TAF6L: variants seen among roughly 807,000 people sequenced by gnomAD.
TAF6L encodes TATA-box binding protein associated factor 6 like.
In TAF6L, 34 loss-of-function variants were observed where a neutral mutation model predicts 57.3. The observed-to-expected ratio is 0.59, with a 90% CI of 0.45 to 0.79. TAF6L has a LOEUF of 0.79. TAF6L is among the 30% of genes least tolerant of loss of function. The probability of loss-of-function intolerance (pLI) is 0.00; values close to 1 mark genes in which losing one functional copy is unlikely to be tolerated. For missense variants in TAF6L, 782 were observed against 853.2 expected (o/e 0.92, Z 1.04); for synonymous variants, 417 against 376.3 (o/e 1.11, Z -1.25).
chr11:62,774,467 G>T (rs1311664266), intron 1 of TAF6L: 6 of 415,280 alleles, frequency 1.4e-5, no homozygotes, highest in Non-Finnish European at 2.9e-5. Flanking sequence ...GTAGGGACCT[G>T]GACGTCACTG....
chr11:62,782,411 T>C lies in TAF6L; in HGVS notation c.827+78T>C. Reference sequence around the variant, plus strand: ...TGGGGTAAGGAAATGGGGCGAAGCCTCTGGCTTTGAGAGTCTATGAGAAGA... The same window carrying C: ...TGGGGTAAGGAAATGGGGCGAAGCCCCTGGCTTTGAGAGTCTATGAGAAGA... On this transcript the variant is annotated intron_variant, in intron 8 of 10. Transcript: ENST00000294168. 5 of 1,479,432 alleles carry C rather than the reference T, an allele frequency of 3.4e-6. No homozygotes were observed. In the South Asian group the frequency reaches 4.9e-5, roughly 15 times the overall value. The allele number at this position is 1,479,432 out of a possible 1,614,324, so 91.6% of individuals were successfully genotyped here.
At position 62,782,277 on chromosome 11, in the gene TAF6L, G is replaced by C. The variant is rs1025184421; in HGVS notation, c.771G>C (p.Leu257=). ...LEPLAASINP[L]NDHWTLRDGA... Reference sequence around the variant, plus strand: ...CACTGGCTGCCTCCATCAACCCCCTGAATGACCACTGGACTCTGCGGGATG... The same window carrying C: ...CACTGGCTGCCTCCATCAACCCCCTCAATGACCACTGGACTCTGCGGGATG... Residue 257 remains leucine (L), a synonymous_variant, in exon 8 of 11, where the codon CTG becomes CTC. Coordinates refer to ENST00000294168, the MANE Select transcript of TAF6L (RefSeq NM_006473.4). 5 of 1,614,076 alleles carry C rather than the reference G, an allele frequency of 3.1e-6. No homozygotes were observed. The African/African-American group carries it at 6.7e-5, about 22-fold the overall frequency.
chr11:62,777,180 A>C (rs1261579524), intron 3 of TAF6L, among the ~76,000 whole-genome samples: 3 of 151,758 alleles, frequency 2.0e-5, no homozygotes, highest in African/African-American at 7.3e-5. Context: ...CACAAAAATT[A>C]GCTGGGTGTG....
chr11:62,786,468 G>A (rs764847438), intron 10 of TAF6L, 49 bp from the exon 11 acceptor site: 26 of 1,586,264 alleles, frequency 1.6e-5, no homozygotes, highest in Non-Finnish European at 2.2e-5. Context: ...TATTTGATGG[G>A]CCCAGGTTCC....
intron 9 of TAF6L, among the ~76,000 whole-genome samples, chr11:62,784,824 T>G (rs1038278052): frequency 3.9e-5 from 6 of 152,240 alleles, no homozygotes; most frequent in Non-Finnish European, 5.9e-5. Flanking sequence ...TAATGCATTT[T>G]AATTTACTTG....
chr11:62,773,431 A>G (rs895508002), intron 1 of TAF6L, among the ~76,000 whole-genome samples: 8 of 149,564 alleles, frequency 5.3e-5, no homozygotes, highest in Admixed American at 1.3e-4. Flanking sequence ...CAGATGAGCC[A>G]CTGCGCCCGG....
chr11:62,784,706 A>G (rs532616082), intron 9 of TAF6L, among the ~76,000 whole-genome samples: 2 of 152,294 alleles, frequency 1.3e-5, no homozygotes, highest in South Asian at 2.1e-4. Context: ...TTGTTTTCCA[A>G]TGTTATTACA....
Position 62,782,840 on chromosome 11 carries a change from C to CT in TAF6L, c.960+18dup. On this transcript the variant is annotated intron_variant, in intron 9 of 10. Coordinates refer to ENST00000294168, the MANE Select transcript of TAF6L (RefSeq NM_006473.4). ...TTGGCTGGAAGGTGAGCACCCTGGC[C>CT]TTTCTCACACAGCCGTAAGAACTCC... is the stretch of plus-strand genomic sequence containing the variant. 1 of 1,613,330 alleles carries CT rather than the reference C, an allele frequency of 6.2e-7. No individual in the cohort carries two copies. Among genetic ancestry groups the CT allele is most frequent in the Non-Finnish European group, 8.5e-7 (1 of 1,179,488 alleles).
rs1436992736 is a variant in TAF6L, at chr11:62,782,199, G to A, written c.693G>A (p.Leu231=). 4 of 1,614,164 alleles carry A rather than the reference G, an allele frequency of 2.5e-6. No individual in the cohort carries two copies. Among genetic ancestry groups the A allele is most frequent in the Middle Eastern group, 1.7e-4 (1 of 6,060 alleles). The stretch of plus-strand genomic sequence containing the variant: ...TATTTCGTAATCCGCACCTGTGCTT[G>A]GGGCCCTATGTCCGCTGTCTGGTGG... ...RSLFRNPHLC[L]GPYVRCLVGS... is the part of the protein sequence containing the mutation. Residue 231 remains leucine, a synonymous_variant, in exon 8 of 11, where the codon TTG becomes TTA. Transcript: ENST00000294168.
chr11:62,786,007 T>A, intron 9 of TAF6L: 1 of 373,946 alleles, frequency 2.7e-6, no homozygotes, highest in Non-Finnish European at 5.0e-6. Flanking sequence ...TGAGCATTAT[T>A]TAGCACACAG....
chr11:62,787,012 C>A lies in TAF6L; in HGVS notation c.1585C>A (p.Arg529=). The change falls in exon 11 of 11, where the codon CGG becomes AGG. Residue 529 remains arginine (R), a synonymous_variant. Coordinates refer to ENST00000294168, the MANE Select transcript of TAF6L (RefSeq NM_006473.4). The part of the protein sequence containing the change: ...SESRPLPRVH[R]ARGAPRQQGP... ...GAGCAGGCCCTTGCCGCGCGTGCAT[C>A]GGGCGCGCGGGGCACCCCGGCAGCA... 6.7e-7 allele frequency: 1 copy of A among 1,487,362 alleles called. No individual in the cohort carries two copies. The highest frequency in any genetic ancestry group is 2.3e-5 in the Admixed American group (1 of 44,084). 92.1% of individuals were successfully genotyped at this position (1,487,362 alleles called of 1,614,324 possible).
chr11:62,782,663 C>A, intron 8 of TAF6L, 30 bp from the exon 9 acceptor site: 1 of 1,606,902 alleles, frequency 6.2e-7, no homozygotes. Flanking sequence ...ATGCCTCATT[C>A]CCCTCCCTAA....
chr11:62,780,990 C>T (rs1359376717), intron 6 of TAF6L, among the ~76,000 whole-genome samples: 3 of 130,356 alleles, frequency 2.3e-5, no homozygotes, highest in East Asian at 2.4e-4. Flanking sequence ...AATCTCAGCA[C>T]TTTGGGAGGC....
chr11:62,779,810 G>A (rs1590935002), intron 6 of TAF6L, among the ~76,000 whole-genome samples: 1 of 148,666 alleles, frequency 6.7e-6, no homozygotes, highest in South Asian at 2.1e-4. Context: ...GGATTACAGG[G>A]GCATACCACC....
At position 62,782,763 on chromosome 11, in the gene TAF6L, C is replaced by A. The variant is rs1157993720; in HGVS notation, c.898C>A (p.Pro300Thr). ...ATCCCTGCAGAAGATCCTGGCAGAT[C>A]CTGTGCGGCCGCTCTGCTGCCACTA... is the stretch of plus-strand genomic sequence containing the variant. ...LLSLQKILAD[P>T]VRPLCCHYGA... The change falls in exon 9 of 11, where the codon CCT becomes ACT. Residue 300 changes from proline to threonine, a missense_variant. By Grantham distance (38) the Pro-to-Thr change is conservative. Transcript: ENST00000294168. The A allele has an allele frequency of 6.2e-7, 1 of 1,613,232 alleles. No homozygotes were observed. Among genetic ancestry groups the A allele is most frequent in the East Asian group, 2.2e-5 (1 of 44,880 alleles).
In TAF6L at chr11:62,782,796, G is replaced by A. The variant is rs367911968; in HGVS notation, c.931G>A (p.Val311Met). Reference protein sequence around the residue: ...VRPLCCHYGAVVGLHALGWKA... With the variant: ...VRPLCCHYGAMVGLHALGWKA... ...GCCGCTCTGCTGCCACTATGGAGCC[G>A]TGGTGGGGCTGCATGCTCTTGGCTG... The change falls in exon 9 of 11, where the codon GTG becomes ATG. Residue 311 changes from valine (V) to methionine (M), a missense_variant. Coordinates refer to ENST00000294168, the MANE Select transcript of TAF6L (RefSeq NM_006473.4). 1.3e-5 allele frequency: 21 copies of A among 1,613,800 alleles called. No individual in the cohort carries two copies. Among genetic ancestry groups the A allele is most frequent in the African/African-American group, 2.7e-5 (2 of 74,922 alleles).
chr11:62,772,384 A>G (rs1023119423), intron 1 of TAF6L, among the ~76,000 whole-genome samples: 4 of 152,026 alleles, frequency 2.6e-5, no homozygotes, highest in African/African-American at 7.2e-5. Context: ...TTAGCTGGGC[A>G]TGGCGGCGTA....
intron 1 of TAF6L, among the ~76,000 whole-genome samples, chr11:62,775,314 A>G (rs115370577): frequency 1.4e-3 from 220 of 152,320 alleles, no homozygotes; most frequent in African/African-American, 5.1e-3. Context: ...TGATTCAGTT[A>G]TCTCCACCTG....
chr11:62,779,294 A>C (rs1354684380), intron 6 of TAF6L, among the ~76,000 whole-genome samples: 1 of 152,112 alleles, frequency 6.6e-6, no homozygotes, highest in African/African-American at 2.4e-5. Context: ...TCCTGGGTTC[A>C]TGCCATTCTC....
Sources: gnomAD v4.1 joint callset for allele counts (sites outside exome capture counted in the v4.1 genomes callset) on GRCh38, gnomAD v4.1.1 for gene constraint, MANE v1.5 for transcripts, NCBI Gene and HGNC (gene_info 2026-07-23, HGNC 2026-07-21) for gene names.